BRF1: variants seen among roughly 807,000 people sequenced by gnomAD.
BRF1 encodes the protein transcription factor IIIB 90 kDa subunit.
Under a neutral mutation model 81.7 loss-of-function variants are expected in BRF1, and 59 were observed. The ratio of observed to expected loss-of-function variants is 0.72; its 90% CI spans 0.59 to 0.90. The LOEUF (loss-of-function observed/expected upper bound fraction) is 0.90. Ranked by LOEUF, BRF1 falls within the 40% of genes least tolerant of loss-of-function variation. The pLI, the probability that BRF1 is intolerant of heterozygous loss-of-function variation, is 0.00. For synonymous variants in BRF1, 491 were observed against 395.6 expected (o/e 1.24, Z -2.86); for missense variants, 1,050 against 936.3 (o/e 1.12, Z -1.58).
intron 6 of BRF1, among the ~76,000 whole-genome samples, chr14:105,229,678 G>C: frequency 6.7e-6 from 1 of 148,732 alleles, no homozygotes; most frequent in South Asian, 2.1e-4. Flanking sequence ...GCACCCTCAG[G>C]AGCAACAACC....
intron 5 of BRF1, chr14:105,248,564 C>T (rs779801718): frequency 2.2e-5 from 5 of 226,202 alleles, no homozygotes; most frequent in Non-Finnish European, 2.1e-5. Flanking sequence ...GCGGCGGGTA[C>T]GGGCTCGGGC....
intron 1 of BRF1, among the ~76,000 whole-genome samples, chr14:105,295,503 G>C (rs587680376): frequency 6.6e-6 from 1 of 151,916 alleles, no homozygotes; most frequent in South Asian, 2.1e-4. Flanking sequence ...AGCAACTCAG[G>C]AGGCTGAGCT....
rs587638819 is a variant in BRF1, at chr14:105,210,853, G to A, written c.1997-265C>T. Among the ~76,000 whole-genome samples the A allele has an allele frequency of 1.8e-4, 27 of 152,262 alleles. No individual in the cohort carries two copies. Among genetic ancestry groups the A allele is most frequent in the African/African-American group, 4.1e-4 (17 of 41,542 alleles). ...CCTCCCTCCCTGGGTGTGCAGGTCC[G>A]TGGTGGTGTGCAGATCCGGGAACCT... On this transcript the variant is annotated intron_variant, in intron 17 of 17. Transcript: ENST00000547530. This position sits in a 1 kb window ranked among gnomAD's most constrained non-coding sequence, Gnocchi z 4.7.
intron 2 of BRF1, among the ~76,000 whole-genome samples, chr14:105,282,864 C>T (rs973164197): frequency 3.9e-5 from 6 of 152,080 alleles, no homozygotes; most frequent in African/African-American, 7.2e-5. Context: ...ACCCAGGAGG[C>T]GGAGGTTGCA....
intron 16 of BRF1, chr14:105,211,771 C>G (rs1200946345): frequency 4.7e-6 from 2 of 429,688 alleles, no homozygotes; most frequent in Non-Finnish European, 8.6e-6. Context: ...TGAAAGACCC[C>G]TGAGCCCTGG....
At chr14:105,270,781 A>T (rs2056620829) in intron 3 of BRF1, among the ~76,000 whole-genome samples, 1 of 151,214 alleles carries the variant, frequency 6.6e-6, no homozygotes, top group Non-Finnish European at 1.5e-5. Context: ...ACAGAGCAAG[A>T]CCCTGTCTGG....
chr14:105,226,415 G>A, intron 8 of BRF1, 125 bp from the exon 9 acceptor site: 1 of 1,468,578 alleles, frequency 6.8e-7, no homozygotes, highest in Non-Finnish European at 9.4e-7. Context: ...AGCGATGGAG[G>A]TGGAGCTATG....
chr14:105,219,660 T>C, intron 12 of BRF1: 1 of 394,798 alleles, frequency 2.5e-6, no homozygotes, highest in Non-Finnish European at 4.6e-6. Flanking sequence ...GGCAAGTATA[T>C]TGAGATAAAC....
At chr14:105,283,746 C>T (rs1175567846) in intron 2 of BRF1, among the ~76,000 whole-genome samples, 2 of 152,184 alleles carry the variant, frequency 1.3e-5, no homozygotes, top group African/African-American at 4.8e-5. Context: ...AGTAAAGATA[C>T]CGCGAGTTTT....
At chr14:105,241,079 G>C (rs587638296) in intron 6 of BRF1, among the ~76,000 whole-genome samples, 186 bp downstream of exon 6, 74 of 152,358 alleles carry the variant, frequency 4.9e-4, no homozygotes, top group African/African-American at 1.7e-3. Flanking sequence ...GAGGCCAACG[G>C]GGCAGCCAGG....
At chr14:105,222,695 C>G (rs1215714116) in intron 10 of BRF1, 4 of 151,650 alleles carry the variant, frequency 2.6e-5, no homozygotes, top group Non-Finnish European at 2.9e-5. Context: ...GTGACGCGAT[C>G]TCGGCTCACT....
chr14:105,241,466 C>A, intron 5 of BRF1, 52 bp from the exon 6 acceptor site: 1 of 1,601,508 alleles, frequency 6.2e-7, no homozygotes, highest in Non-Finnish European at 8.5e-7. Context: ...ATGGCACGTG[C>A]ACAGGCGGCC....
rs1282477918 is a variant in BRF1 at position 105,315,490 on chromosome 14, T to C, written c.-330A>G. ...GCACGGGGCGCGCAGGACTCGGTTG[T>C]ATCCTCCGTCCAGCGCGCGGTGGAG... is the stretch of plus-strand genomic sequence containing the variant. On this transcript the variant is annotated 5_prime_UTR_variant, in exon 1 of 18. Coordinates refer to the BRF1 transcript ENST00000327359. This position sits in a 1 kb window ranked among gnomAD's most constrained non-coding sequence, Gnocchi z 4.4. 1 of 152,264 alleles carries C rather than the reference T, an allele frequency of 6.6e-6. No individual in the cohort carries two copies. Among genetic ancestry groups the C allele is most frequent in the Non-Finnish European group, 1.5e-5 (1 of 68,064 alleles). The allele number at this position is 152,264 out of a possible 1,614,324, so 9.4% of individuals were successfully genotyped here.
At chr14:105,226,930 G>T in intron 7 of BRF1, 170 bp from the exon 8 acceptor site, 1 of 801,834 alleles carries the variant, frequency 1.2e-6, no homozygotes, top group Non-Finnish European at 1.9e-6. Flanking sequence ...GCAACACAGT[G>T]AGACTCTGTC....
At chr14:105,311,088 G>A (rs1313410051) in intron 1 of BRF1, among the ~76,000 whole-genome samples, 2 of 152,102 alleles carry the variant, frequency 1.3e-5, no homozygotes, top group African/African-American at 4.8e-5. Flanking sequence ...GAGTAGCTGG[G>A]ATTACAGGCG....
intron 5 of BRF1, among the ~76,000 whole-genome samples, chr14:105,243,852 T>TGG (rs1325676716): frequency 3.6e-4 from 55 of 151,640 alleles, no homozygotes; most frequent in African/African-American, 1.3e-3. Flanking sequence ...AAAAATTAGC[T>TGG]GGGGGTGGTG....
intron 1 of BRF1, among the ~76,000 whole-genome samples, chr14:105,314,046 G>C (rs2058435602): frequency 6.6e-6 from 1 of 152,292 alleles, no homozygotes; most frequent in African/African-American, 2.4e-5. Flanking sequence ...ACGCAAAGAG[G>C]GCGCCCGGGG....
At chr14:105,226,849 C>T in intron 7 of BRF1, 89 bp from the exon 8 acceptor site, 1 of 1,589,348 alleles carries the variant, frequency 6.3e-7, no homozygotes, top group Non-Finnish European at 8.5e-7. Flanking sequence ...TGGCTCATGC[C>T]TGTGATCCCA....
chr14:105,313,022 G>A (rs749819173), intron 1 of BRF1, among the ~76,000 whole-genome samples: 63 of 152,146 alleles, frequency 4.1e-4, no homozygotes, highest in Non-Finnish European at 7.1e-4. Flanking sequence ...TCCCTTAAGG[G>A]CTCACAACGG....
Sources: gnomAD v4.1 joint callset for allele counts (sites outside exome capture counted in the v4.1 genomes callset) on GRCh38, gnomAD v4.1.1 for gene constraint, Gnocchi (gnomAD v3.1) non-coding constraint, MANE v1.5 for transcripts, NCBI Gene and HGNC (gene_info 2026-07-23, HGNC 2026-07-21) for gene names.